CYP4Z1: variants seen among roughly 807,000 people sequenced by gnomAD.
The protein encoded by CYP4Z1 is cytochrome P450 family 4 subfamily Z member 1.
Under a neutral mutation model 54.2 loss-of-function variants are expected in CYP4Z1, and 41 were observed. The observed-to-expected ratio is 0.76, with a 90% CI of 0.59 to 0.98. The LOEUF (loss-of-function observed/expected upper bound fraction) is 0.98. Among genes scored for constraint, CYP4Z1 ranks in the 50% least tolerant of loss-of-function variants. CYP4Z1 has a pLI of 0.00. For missense variants in CYP4Z1, 513 were observed against 599.0 expected, an observed-to-expected ratio of 0.86 and a Z score of 1.50; for synonymous variants, 163 against 206.2, an observed-to-expected ratio of 0.79 and a Z score of 1.79.
chr1:47,107,123 A>G (rs1325384467), intron 9 of CYP4Z1, among the ~76,000 whole-genome samples: 4 of 152,198 alleles, frequency 2.6e-5, no homozygotes, highest in African/African-American at 9.7e-5. Context: ...AACAAAAACT[A>G]TTTAGTACTT....
chr1:47,103,706 T>G (rs1392459070), intron 8 of CYP4Z1, among the ~76,000 whole-genome samples: 1 of 150,894 alleles, frequency 6.6e-6, no homozygotes, highest in Non-Finnish European at 1.5e-5. Context: ...GCAATTCTCC[T>G]GCCTCAGACA....
intron 4 of CYP4Z1, 100 bp from the exon 5 acceptor site, chr1:47,084,520 A>G (rs1257524346): frequency 2.2e-5 from 34 of 1,534,424 alleles, no homozygotes; most frequent in Non-Finnish European, 2.8e-5. Context: ...TGTACGCTTT[A>G]TATTTTCAAA....
intron 9 of CYP4Z1, among the ~76,000 whole-genome samples, chr1:47,109,540 C>T (rs112442693): frequency 6.6e-6 from 1 of 152,152 alleles, no homozygotes; most frequent in Non-Finnish European, 1.5e-5. Context: ...ATTAAAGACT[C>T]TTTATTCTGG....
rs1179243011 is a variant in CYP4Z1, at chr1:47,106,225, C to T, written c.1165C>T (p.Pro389Ser). 6.2e-7 allele frequency: 1 copy of T among 1,613,414 alleles called. No individual in the cohort carries two copies. ...VVNISRLLDK[P>S]ITFPDGRSLP... Reference sequence around the variant, plus strand: ...AAACATATCCCGGTTACTCGACAAACCCATCACCTTTCCAGATGGACGCTC... The same window carrying T: ...AAACATATCCCGGTTACTCGACAAATCCATCACCTTTCCAGATGGACGCTC... Residue 389 changes from proline to serine, a missense_variant, in exon 9 of 12, where the codon CCC becomes TCC. Physicochemically the swap from Pro to Ser is moderately conservative, Grantham distance 74. Coordinates refer to ENST00000334194, the MANE Select transcript of CYP4Z1 (RefSeq NM_178134.3).
At chr1:47,103,595 CTT>C (rs373166937) in intron 8 of CYP4Z1, among the ~76,000 whole-genome samples, 2,087 of 95,960 alleles carry the variant, frequency 0.022, 34 homozygotes, top group African/African-American at 0.08. Flanking sequence ...TCTTTTTTTT[CTT>C]TTTTTTTTTT....
the CYP4Z1 span, among the ~76,000 whole-genome samples, chr1:47,057,335 A>AAAAATATAT: frequency 7.0e-5 from 2 of 28,486 alleles, no homozygotes; most frequent in African/African-American, 1.8e-4. Context: ...AAGAAAAAAA[A>AAAAATATAT]ATATATATAT....
At position 47,077,684 on chromosome 1, in the gene CYP4Z1, C is replaced by CA. The variant is rs199639415; in HGVS notation, c.320-2938dup. Among the ~76,000 whole-genome samples, 955 of 151,546 alleles carry CA rather than the reference C, an allele frequency of 6.3e-3. 12 individuals carry two copies. The highest frequency in any genetic ancestry group is 0.021 in the African/African-American group (862 of 41,268). On this transcript the variant is annotated intron_variant, in intron 2 of 11. Transcript: ENST00000334194. Reference sequence around the variant, plus strand: ...CACCTAGGGTAGGGTGCAGTGGTGTCATCATAGCTCACTGCATCCTCTAGC... The same window carrying CA: ...CACCTAGGGTAGGGTGCAGTGGTGTCAATCATAGCTCACTGCATCCTCTAGC...
intron 8 of CYP4Z1, among the ~76,000 whole-genome samples, chr1:47,100,496 C>T (rs999587407): frequency 3.3e-5 from 5 of 152,188 alleles, no homozygotes; most frequent in African/African-American, 1.2e-4. Flanking sequence ...TGAAGCATTT[C>T]TTTGTCCAGC....
At chr1:47,080,318 AT>A (rs1190936997) in intron 2 of CYP4Z1, among the ~76,000 whole-genome samples, 1 of 88,306 alleles carries the variant, frequency 1.1e-5, no homozygotes, top group Non-Finnish European at 2.1e-5. Context: ...AAACAAATGT[AT>A]TTTTTCAACT....
At chr1:47,111,885 A>C (rs559589452) in intron 9 of CYP4Z1, among the ~76,000 whole-genome samples, 22 of 152,370 alleles carry the variant, frequency 1.4e-4, no homozygotes, top group African/African-American at 5.0e-4. Flanking sequence ...TCTTGGGCTA[A>C]AGCAAAATTA....
At chr1:47,114,404 A>G (rs1478846345) in intron 9 of CYP4Z1, among the ~76,000 whole-genome samples, 1 of 152,184 alleles carries the variant, frequency 6.6e-6, no homozygotes, top group Non-Finnish European at 1.5e-5. Flanking sequence ...TCATGTCTAA[A>G]ACACCAAAAG....
At chr1:47,062,981 C>T (rs891651450), upstream of CYP4Z1, among the ~76,000 whole-genome samples, 1 of 152,180 alleles carries the variant, frequency 6.6e-6, no homozygotes, top group Admixed American at 6.5e-5. Flanking sequence ...TCACAGAGTC[C>T]ACCTCACCCC....
At chr1:47,116,602 G>C in intron 10 of CYP4Z1, 48 bp from the exon 11 acceptor site, 1 of 1,225,190 alleles carries the variant, frequency 8.2e-7, no homozygotes. Context: ...TGTTTTTTGT[G>C]GGGGTGGGCT....
intron 8 of CYP4Z1, among the ~76,000 whole-genome samples, chr1:47,101,317 TA>T (rs149784087): frequency 0.07 from 10,643 of 152,244 alleles, 484 homozygotes; most frequent in East Asian, 0.22. Context: ...CCTGTTTTTC[TA>T]CTTCCTAGAG....
intron 1 of CYP4Z1, 27 bp downstream of exon 1, chr1:47,067,694 G>C (rs780893510): frequency 6.4e-7 from 1 of 1,560,660 alleles, no homozygotes. Context: ...AGTTGGGGAG[G>C]TTAAGGGACA....
intron 6 of CYP4Z1, among the ~76,000 whole-genome samples, chr1:47,089,105 T>C (rs1327941204): frequency 6.7e-6 from 1 of 149,412 alleles, no homozygotes; most frequent in Non-Finnish European, 1.5e-5. Context: ...CTTTTATTAA[T>C]TGCTGGATCA....
intron 7 of CYP4Z1, among the ~76,000 whole-genome samples, chr1:47,097,595 T>C (rs1395185732): frequency 6.6e-6 from 1 of 152,212 alleles, no homozygotes; most frequent in Non-Finnish European, 1.5e-5. Context: ...TATTGTTGAC[T>C]TGGCTGAAGA....
chr1:47,093,588 T>G lies in CYP4Z1; in HGVS notation c.773-978T>G, dbSNP rs148378847. 4.9e-3 allele frequency among the ~76,000 whole-genome samples: 750 copies of G among 152,246 alleles called. 7 individuals are homozygous for G. The highest frequency in any genetic ancestry group is 0.017 in the African/African-American group (702 of 41,542). On this transcript the variant is annotated intron_variant, in intron 6 of 11. Transcript: ENST00000334194. The stretch of plus-strand genomic sequence containing the variant: ...CTTAGAAAAATGGTTCCGGTTAACT[T>G]CCAAACTTAGAATCCCCTTACTAAG...
chr1:47,076,518 T>C lies in CYP4Z1; in HGVS notation c.320-4105T>C, dbSNP rs1351621521. 5.3e-5 allele frequency among the ~76,000 whole-genome samples: 8 copies of C among 152,122 alleles called. No individual in the cohort carries two copies. The East Asian group carries it at 1.6e-3, about 30-fold the overall frequency. ...GCCTCAAAATATTTTCTAATGTCTT[T>C]TATGATTTATTCCTTGTCCCTTTGG... On this transcript the variant is annotated intron_variant, in intron 2 of 11. Transcript: ENST00000334194.
Sources: allele counts gnomAD v4.1 joint callset (sites outside exome capture counted in the v4.1 genomes callset), GRCh38; gene constraint gnomAD v4.1.1; transcripts MANE v1.5; gene names NCBI Gene and HGNC (gene_info 2026-07-23, HGNC 2026-07-21).